TTLL6: variants seen among roughly 807,000 people sequenced by gnomAD.
TTLL6 encodes tubulin tyrosine ligase like 6.
Under a neutral mutation model 96.4 loss-of-function variants are expected in TTLL6, and 75 were observed. The observed-to-expected ratio is 0.78, with a 90% CI of 0.65 to 0.94. TTLL6 has a LOEUF of 0.94. Among genes scored for constraint, TTLL6 ranks in the 40% least tolerant of loss-of-function variants. The pLI, the probability that TTLL6 is intolerant of heterozygous loss-of-function variation, is 0.00. For missense variants in TTLL6, 1,030 were observed against 1,093.0 expected (o/e 0.94, Z 0.81); for synonymous variants, 411 against 419.4 (o/e 0.98, Z 0.24).
In TTLL6 at chr17:48,811,462, C is replaced by A. The variant is rs539771937; in HGVS notation, c.103+5508G>T. 1.2e-4 allele frequency among the ~76,000 whole-genome samples: 18 copies of A among 152,114 alleles called. No individual in the cohort carries two copies. The East Asian group carries it at 2.9e-3, about 24-fold the overall frequency. ...CCCAGGCTGGTCTCAAATGCCTGGC[C>A]TCAGGAGATCCTCCTGCCTCAACCT... On this transcript the variant is annotated intron_variant, in intron 1 of 15. Coordinates refer to ENST00000393382, the MANE Select transcript of TTLL6 (RefSeq NM_001130918.3).
intron 6 of TTLL6, among the ~76,000 whole-genome samples, chr17:48,798,252 T>A (rs2039353770): frequency 6.6e-6 from 1 of 151,828 alleles, no homozygotes; most frequent in African/African-American, 2.4e-5. Flanking sequence ...AGACTCTACC[T>A]CTACAAAGAA....
At chr17:48,797,712 C>G (rs940677318) in intron 6 of TTLL6, among the ~76,000 whole-genome samples, 1 of 148,118 alleles carries the variant, frequency 6.8e-6, no homozygotes. Flanking sequence ...ACTTGAGCCC[C>G]GGGGGGCAGA....
At chr17:48,767,763 C>T (rs907927531) in intron 15 of TTLL6, among the ~76,000 whole-genome samples, 4 of 152,152 alleles carry the variant, frequency 2.6e-5, no homozygotes, top group African/African-American at 9.7e-5. Context: ...GAAGTTCAGA[C>T]GGAGGGCATC....
At chr17:48,784,854 TG>T in intron 13 of TTLL6, 68 bp downstream of exon 13, 1 of 1,390,336 alleles carries the variant, frequency 7.2e-7, no homozygotes, top group African/African-American at 1.4e-5. Context: ...CACAGCAAGT[TG>T]GGGGTAGAGA....
At chr17:48,810,699 C>T (rs1264453646) in intron 1 of TTLL6, among the ~76,000 whole-genome samples, 1 of 148,428 alleles carries the variant, frequency 6.7e-6, no homozygotes, top group African/African-American at 2.5e-5. Context: ...TCTCAAAAAA[C>T]AATCAAACAA....
rs2038702824 is a variant in TTLL6 at position 48,769,930 on chromosome 17, G to A, written c.2208C>T (p.Thr736=). Residue 736 remains threonine, a synonymous_variant, in exon 14 of 16, where the codon ACC becomes ACT. Transcript: ENST00000393382. ...CKKQQTPPHL[T]QKKMLKSFLP... Reference sequence around the variant, plus strand: ...GAAAAGATTTTAACATTTTCTTCTGGGTTAAGTGTGGAGGGGTCTGCTGCT... The same window carrying A: ...GAAAAGATTTTAACATTTTCTTCTGAGTTAAGTGTGGAGGGGTCTGCTGCT... 1 of 1,614,148 alleles carries A rather than the reference G, an allele frequency of 6.2e-7. No homozygotes were observed. Among genetic ancestry groups the A allele is most frequent in the South Asian group, 1.1e-5 (1 of 91,070 alleles).
In TTLL6 at chr17:48,769,929, G is replaced by A. The variant is rs951748876; in HGVS notation, c.2209C>T (p.Gln737Ter). ...KKQQTPPHLT[Q>*]KKMLKSFLPT... ...AGAAAAGATTTTAACATTTTCTTCT[G>A]GGTTAAGTGTGGAGGGGTCTGCTGC... is the stretch of plus-strand genomic sequence containing the variant. The change falls in exon 14 of 16, where the codon CAG becomes TAG. Residue 737 changes from glutamine to a stop codon, truncating the protein, a stop_gained. Transcript: ENST00000393382. LOFTEE classifies it high-confidence loss of function. The A allele has an allele frequency of 6.2e-7, 1 of 1,614,012 alleles. No individual in the cohort carries two copies. Among genetic ancestry groups the A allele is most frequent in the African/African-American group, 1.3e-5 (1 of 74,910 alleles).
At chr17:48,794,420 G>A (rs1034840793) in intron 8 of TTLL6, 5 of 1,428,100 alleles carry the variant, frequency 3.5e-6, no homozygotes, top group Non-Finnish European at 3.7e-6. Flanking sequence ...GGCAGGGCAG[G>A]GAGTCTCATC....
intron 13 of TTLL6, among the ~76,000 whole-genome samples, chr17:48,770,816 C>T (rs1237485332): frequency 1.3e-5 from 2 of 151,646 alleles, no homozygotes; most frequent in East Asian, 3.9e-4. Flanking sequence ...CTCCTGCCTC[C>T]TGGAGGCAGG....
intron 13 of TTLL6, among the ~76,000 whole-genome samples, chr17:48,776,253 T>C (rs1316489083): frequency 6.6e-6 from 1 of 152,096 alleles, no homozygotes; most frequent in Non-Finnish European, 1.5e-5. Context: ...GATCACGAGG[T>C]CAGGAGATCG....
chr17:48,763,092 A>G (rs7214712), intron 15 of TTLL6, 119 bp from the exon 16 acceptor site: 5,501 of 357,746 alleles, frequency 0.015, 260 homozygotes, highest in African/African-American at 0.11. Context: ...TAGGTGACTT[A>G]TATCTGTAGT....
intron 12 of TTLL6, among the ~76,000 whole-genome samples, chr17:48,785,693 G>T (rs1028406288): frequency 6.6e-6 from 1 of 152,110 alleles, no homozygotes; most frequent in African/African-American, 2.4e-5. Flanking sequence ...TTGCATAGAG[G>T]AGGAGAGACC....
At chr17:48,801,213 G>A (rs746289321) in intron 5 of TTLL6, 42 bp downstream of exon 5, 5 of 1,526,930 alleles carry the variant, frequency 3.3e-6, no homozygotes, top group East Asian at 4.9e-5. Flanking sequence ...ATGTAAATGG[G>A]GAGGGGAGTG....
At chr17:48,789,480 A>C (rs1021173681) in intron 10 of TTLL6, among the ~76,000 whole-genome samples, 2 of 152,194 alleles carry the variant, frequency 1.3e-5, no homozygotes, top group African/African-American at 4.8e-5. Context: ...AAGATCACTG[A>C]GGCTCAGAGA....
At chr17:48,796,910 G>A (rs585736) in intron 7 of TTLL6, 151 bp downstream of exon 7, 26,998 of 860,246 alleles carry the variant, frequency 0.031, 758 homozygotes, top group East Asian at 0.14. Context: ...TCTCTCTGAG[G>A]GATCCTGGCA....
chr17:48,784,194 C>T (rs1323906776), intron 13 of TTLL6, among the ~76,000 whole-genome samples: 2 of 152,016 alleles, frequency 1.3e-5, no homozygotes, highest in Admixed American at 1.3e-4. Context: ...GAGGCTTGAG[C>T]TCATGAGTTC....
intron 11 of TTLL6, among the ~76,000 whole-genome samples, chr17:48,787,080 C>T (rs550183889): frequency 5.9e-5 from 9 of 152,204 alleles, no homozygotes; most frequent in Admixed American, 3.3e-4. Flanking sequence ...CCACCTGCCT[C>T]GGCCTCCCAA....
rs138541234 is a variant in TTLL6, at chr17:48,785,035, G to A, written c.1928C>T (p.Pro643Leu). ...GCTGAGATTGATATTCCTCAGATCGGGTAGAGAACTGAAGGGCTTCGCAGA... is the reference window on the plus strand; with the variant it reads ...GCTGAGATTGATATTCCTCAGATCGAGTAGAGAACTGAAGGGCTTCGCAGA... ...LTSAKPFSSL[P>L]DLRNINLSSS... The change falls in exon 13 of 16, where the codon CCC (proline) becomes CTC (leucine). Residue 643 changes from proline to leucine, a missense_variant. By Grantham distance (98) the Pro-to-Leu change is moderately conservative. Transcript: ENST00000393382. The A allele has an allele frequency of 6.4e-5, 103 of 1,614,156 alleles. No homozygotes were observed. The African/African-American group carries it at 1.2e-3, about 19-fold the overall frequency.
At chr17:48,772,285 G>A (rs905262027) in intron 13 of TTLL6, among the ~76,000 whole-genome samples, 4 of 152,046 alleles carry the variant, frequency 2.6e-5, no homozygotes, top group Non-Finnish European at 5.9e-5. Context: ...AGGAGTTCCA[G>A]ACCAGGCTGG....
Sources: gnomAD v4.1 joint callset for allele counts (sites outside exome capture counted in the v4.1 genomes callset) on GRCh38, gnomAD v4.1.1 for gene constraint, MANE v1.5 for transcripts, NCBI Gene and HGNC (gene_info 2026-07-23, HGNC 2026-07-21) for gene names.